The following TLL1 variants were observed in gnomAD, a reference collection of about 807,000 sequenced individuals.
TLL1 encodes the protein tolloid like 1.
In TLL1, 49 loss-of-function variants were observed where a neutral mutation model predicts 128.2. The ratio of observed to expected loss-of-function variants is 0.38; its 90% CI spans 0.30 to 0.48. The LOEUF is 0.48. Among genes scored for constraint, TLL1 ranks in the 20% least tolerant of loss-of-function variants. The probability of loss-of-function intolerance (pLI) is 0.96; values close to 1 mark genes in which losing one functional copy is unlikely to be tolerated. For missense variants in TLL1, 1,123 were observed against 1,242.0 expected (o/e 0.90, Z 1.44); for synonymous variants, 454 against 418.8 (o/e 1.08, Z -1.03).
chr4:165,897,767 A>T (rs1435416126), intron 1 of TLL1, among the ~76,000 whole-genome samples: 1 of 150,058 alleles, frequency 6.7e-6, no homozygotes, highest in African/African-American at 2.5e-5. Context: ...TCTGTGAAGA[A>T]AGTCAATGGT....
chr4:166,072,350 TC>T (rs1293721283), intron 16 of TLL1, among the ~76,000 whole-genome samples: 2 of 151,878 alleles, frequency 1.3e-5, no homozygotes, highest in African/African-American at 4.8e-5. Context: ...TAACTCTTCT[TC>T]TTCCCTTTCT....
chr4:165,920,557 G>A (rs1436119261), intron 1 of TLL1, among the ~76,000 whole-genome samples: 4 of 152,142 alleles, frequency 2.6e-5, no homozygotes, highest in Non-Finnish European at 5.9e-5. Flanking sequence ...AATTGTAGGG[G>A]AATAGAATTA....
At chr4:166,017,467 C>G (rs1738003165) in intron 8 of TLL1, among the ~76,000 whole-genome samples, 1 of 152,058 alleles carries the variant, frequency 6.6e-6, no homozygotes, top group Non-Finnish European at 1.5e-5. Flanking sequence ...AATGAGATGG[C>G]AGGGTTGAAT....
At chr4:165,900,234 A>T (rs1731912030) in intron 1 of TLL1, among the ~76,000 whole-genome samples, 1 of 152,086 alleles carries the variant, frequency 6.6e-6, no homozygotes, top group Non-Finnish European at 1.5e-5. Context: ...GCCTGTTTAC[A>T]TTTAAAGTTA....
chr4:165,938,354 CT>C, intron 1 of TLL1, among the ~76,000 whole-genome samples: 1 of 152,064 alleles, frequency 6.6e-6, no homozygotes, highest in Non-Finnish European at 1.5e-5. Flanking sequence ...TCTGCAGTTT[CT>C]CAAACAGGTG....
rs1033866394 is a variant in TLL1, at chr4:165,898,442, C to T, written c.169+24369C>T. Among the ~76,000 whole-genome samples, 11 of 150,340 alleles carry T rather than the reference C, an allele frequency of 7.3e-5. No homozygotes were observed. The East Asian group carries it at 1.8e-3, about 24-fold the overall frequency. On this transcript the variant is annotated intron_variant, in intron 1 of 20. Coordinates refer to ENST00000061240, the MANE Select transcript of TLL1 (RefSeq NM_012464.5). ...TTATTGAGAGTTTTTAGCATGAAGT[C>T]GTGTTGAATTTTATTGAAGGCCTTC...
At chr4:165,965,446 G>A (rs565616909) in intron 1 of TLL1, among the ~76,000 whole-genome samples, 5 of 152,168 alleles carry the variant, frequency 3.3e-5, no homozygotes, top group African/African-American at 1.2e-4. Flanking sequence ...TGTTAAATTG[G>A]GCACTTTATT....
Position 166,066,135 on chromosome 4 carries a change from C to A in TLL1, c.2188+272C>A, listed in dbSNP as rs113215428. On this transcript the variant is annotated intron_variant, in intron 16 of 20. Coordinates refer to ENST00000061240, the MANE Select transcript of TLL1 (RefSeq NM_012464.5). ...TTCGGAAAATGTAGTCTCATTTTAG[C>A]AACAGTTTTTTATCTTTTTATTTAG... Among the ~76,000 whole-genome samples, 390 of 151,564 alleles carry A rather than the reference C, an allele frequency of 2.6e-3. 1 individual carries two copies. The highest frequency in any genetic ancestry group is 9.2e-3 in the African/African-American group (381 of 41,432).
chr4:165,948,783 A>T (rs1212493225), intron 1 of TLL1, among the ~76,000 whole-genome samples: 1 of 152,100 alleles, frequency 6.6e-6, no homozygotes, highest in African/African-American at 2.4e-5. Context: ...AGGGTTTTGG[A>T]GGGGAAAAAC....
chr4:166,017,441 C>T (rs7662833), intron 8 of TLL1, among the ~76,000 whole-genome samples: 2,120 of 151,944 alleles, frequency 0.014, 51 homozygotes, highest in African/African-American at 0.048. Flanking sequence ...TATTTTCCTT[C>T]GGATATATGC....
chr4:165,943,222 A>G (rs1283273821), intron 1 of TLL1, among the ~76,000 whole-genome samples: 2 of 152,070 alleles, frequency 1.3e-5, no homozygotes. Flanking sequence ...AGTGGTTTTA[A>G]AACCTGTATT....
intron 5 of TLL1, among the ~76,000 whole-genome samples, chr4:165,998,961 T>C (rs1737021651): frequency 6.6e-6 from 1 of 152,168 alleles, no homozygotes; most frequent in African/African-American, 2.4e-5. Flanking sequence ...CCAGGATTCT[T>C]CTTTGCGAAC....
chr4:166,061,638 G>A (rs1285735086), intron 15 of TLL1, among the ~76,000 whole-genome samples: 2 of 152,024 alleles, frequency 1.3e-5, no homozygotes, highest in Non-Finnish European at 2.9e-5. Flanking sequence ...GTAAAAAAGA[G>A]GTAGCTGACT....
chr4:165,946,874 C>T (rs1196362612), intron 1 of TLL1, among the ~76,000 whole-genome samples: 1 of 151,922 alleles, frequency 6.6e-6, no homozygotes, highest in Non-Finnish European at 1.5e-5. Flanking sequence ...GAATGAGGAA[C>T]ATGTGATTGG....
intron 1 of TLL1, among the ~76,000 whole-genome samples, chr4:165,971,849 C>T (rs1319872905): frequency 6.6e-6 from 1 of 152,096 alleles, no homozygotes; most frequent in Non-Finnish European, 1.5e-5. Context: ...GCTTGCCACT[C>T]GATGGAATTC....
chr4:166,044,536 T>C (rs1739375130), intron 12 of TLL1: 1 of 1,008,886 alleles, frequency 9.9e-7, no homozygotes, highest in Non-Finnish European at 1.4e-6. Flanking sequence ...TACTTTCTAC[T>C]TTAATCATTA....
chr4:166,052,965 G>GTGTATATATATATATATATA lies in TLL1; in HGVS notation c.1525-2110_1525-2109insGTATATATATATATATATAT. Among the ~76,000 whole-genome samples, 161 of 99,666 alleles carry GTGTATATATATATATATATA rather than the reference G, an allele frequency of 1.6e-3. 12 individuals carry two copies. The highest frequency in any genetic ancestry group is 6.3e-3 in the East Asian group (20 of 3,190). The allele number at this position is 99,666 out of a possible 152,430, so 65.4% of individuals were successfully genotyped here. On this transcript the variant is annotated intron_variant, in intron 12 of 20. Transcript: ENST00000061240. ...TAAAGACTGAGATAAGAGGTTATGT[G>GTGTATATATATATATATATA]TATATATATATATATATTTGGCCAA...
chr4:166,045,698 T>C (rs1200594256), intron 12 of TLL1, among the ~76,000 whole-genome samples: 1 of 152,062 alleles, frequency 6.6e-6, no homozygotes, highest in African/African-American at 2.4e-5. Flanking sequence ...TTTTGATTGG[T>C]CTTTGGCTCC....
At chr4:165,983,128 G>A (rs367726949) in intron 1 of TLL1, among the ~76,000 whole-genome samples, 5 of 151,904 alleles carry the variant, frequency 3.3e-5, no homozygotes, top group South Asian at 2.1e-4. Flanking sequence ...TTACTTTTAC[G>A]TTTCTGGATC....
Sources: allele counts gnomAD v4.1 joint callset (sites outside exome capture counted in the v4.1 genomes callset), GRCh38; gene constraint gnomAD v4.1.1; transcripts MANE v1.5; gene names NCBI Gene and HGNC (gene_info 2026-07-23, HGNC 2026-07-21).